Variants in FANCC observed in about 807,000 individuals in gnomAD.
FANCC encodes the protein Fanconi anemia group C protein.
A neutral mutation model predicts 71.3 loss-of-function variants in FANCC; 55 were observed. The observed-to-expected ratio is 0.77, with a 90% CI of 0.62 to 0.97. FANCC has a LOEUF of 0.97. Among genes scored for constraint, FANCC ranks in the 50% least tolerant of loss-of-function variants. The pLI is 0.00. For missense variants in FANCC, 678 were observed against 670.9 expected, an observed-to-expected ratio of 1.01 and a Z score of -0.12; for synonymous variants, 275 against 244.9, an observed-to-expected ratio of 1.12 and a Z score of -1.15.
chr9:95,206,457 C>G (rs988248678), intron 4 of FANCC, among the ~76,000 whole-genome samples: 1 of 152,188 alleles, frequency 6.6e-6, no homozygotes, highest in Non-Finnish European at 1.5e-5. Context: ...AAGTCCCCTA[C>G]ATCGTCTAAC....
In FANCC at chr9:95,110,925, CTTCT is replaced by C. The variant is rs757902348; in HGVS notation, c.1329+534_1329+537del. 18 of 1,325,148 alleles carry C rather than the reference CTTCT, an allele frequency of 1.4e-5. No homozygotes were observed. In the African/African-American group the frequency reaches 1.5e-4, roughly 11 times the overall value. The allele number at this position is 1,325,148 out of a possible 1,614,324, so 82.1% of individuals were successfully genotyped here. ...GCTCTGTTATTTAGGAAATGACCAA[CTTCT>C]TTTTCAGAAGCAAAGTGGTTAATAT... On this transcript the variant is annotated intron_variant, in intron 13 of 14. Coordinates refer to ENST00000289081, the MANE Select transcript of FANCC (RefSeq NM_000136.3).
At chr9:95,184,978 G>A (rs1207314496) in intron 4 of FANCC, among the ~76,000 whole-genome samples, 1 of 152,130 alleles carries the variant, frequency 6.6e-6, no homozygotes, top group East Asian at 1.9e-4. Flanking sequence ...AGATGTCTCA[G>A]GAACAAAATA....
At chr9:95,182,511 C>A (rs1826440467) in intron 4 of FANCC, among the ~76,000 whole-genome samples, 1 of 152,170 alleles carries the variant, frequency 6.6e-6, no homozygotes, top group Non-Finnish European at 1.5e-5. Context: ...TAGAGAAAGA[C>A]TCCATCTCCA....
chr9:95,310,875 ATAAGGCAATAATAT>A (rs1456629380), intron 1 of FANCC, among the ~76,000 whole-genome samples: 1 of 152,236 alleles, frequency 6.6e-6, no homozygotes, highest in Non-Finnish European at 1.5e-5. Flanking sequence ...GCATATACAC[ATAAGGCAATAATAT>A]GAACTGCAGT....
In FANCC at chr9:95,130,885, C is replaced by T. The variant is rs1028435392; in HGVS notation, c.844-4304G>A. Among the ~76,000 whole-genome samples the T allele has an allele frequency of 3.3e-5, 5 of 152,238 alleles. No individual in the cohort carries two copies. The South Asian group carries it at 1.0e-3, about 32-fold the overall frequency. ...ATTTATACAAAACCTTCACATCTAT[C>T]ATGTACAATGAGGCACCTTTATAAA... is the stretch of plus-strand genomic sequence containing the variant. On this transcript the variant is annotated intron_variant, in intron 8 of 14. Transcript: ENST00000289081.
chr9:95,255,310 C>G (rs1255247974), intron 1 of FANCC, among the ~76,000 whole-genome samples: 2 of 152,018 alleles, frequency 1.3e-5, no homozygotes, highest in African/African-American at 4.8e-5. Flanking sequence ...AGGAGAGCTC[C>G]GGCTGGCAAC....
intron 4 of FANCC, among the ~76,000 whole-genome samples, chr9:95,204,710 C>G (rs1220212710): frequency 6.6e-6 from 1 of 152,190 alleles, no homozygotes; most frequent in Non-Finnish European, 1.5e-5. Flanking sequence ...CTTACCCCTA[C>G]TCCATCTAAA....
chr9:95,254,019 T>C (rs79746055), intron 1 of FANCC, among the ~76,000 whole-genome samples: 1,588 of 152,276 alleles, frequency 0.01, 28 homozygotes, highest in African/African-American at 0.037. Flanking sequence ...TCCTGCTGTA[T>C]GGTCTGGTTC....
At chr9:95,267,944 C>T (rs1832484867) in intron 1 of FANCC, among the ~76,000 whole-genome samples, 1 of 152,220 alleles carries the variant, frequency 6.6e-6, no homozygotes, top group African/African-American at 2.4e-5. Flanking sequence ...AAACACACTG[C>T]ACATCACTGG....
rs1564720334 is a variant in FANCC, at chr9:95,172,054, G to C, written c.439C>G (p.Pro147Ala). The C allele has an allele frequency of 1.2e-6, 2 of 1,606,492 alleles. No homozygotes were observed. The highest frequency in any genetic ancestry group is 2.2e-5 in the East Asian group (1 of 44,734). The stretch of plus-strand genomic sequence containing the variant: ...ATACTCACATTTTTAAGCAAACCAG[G>C]ATAGTAATCTATAGGTGCATACCCA... ...GLGYAPIDYY[P>A]GLLKNMVLSL... is the part of the protein sequence containing the mutation. Residue 147 changes from proline (P) to alanine (A), a missense_variant, in exon 5 of 15, where the codon CCT becomes GCT. Physicochemically the swap from Pro to Ala is conservative, Grantham distance 27 (BLOSUM62 -1). Transcript: ENST00000289081.
chr9:95,202,505 C>T (rs779729865), intron 4 of FANCC, among the ~76,000 whole-genome samples: 1 of 152,236 alleles, frequency 6.6e-6, no homozygotes, highest in Non-Finnish European at 1.5e-5. Flanking sequence ...AGGAGTGAGG[C>T]AGCTTCCCAC....
intron 14 of FANCC, 94 bp downstream of exon 14, chr9:95,106,972 C>T: frequency 1.6e-6 from 2 of 1,228,478 alleles, no homozygotes; most frequent in Non-Finnish European, 2.4e-6. Context: ...TCCTGGTACA[C>T]ACACTGTGCA....
rs202002506 is a variant in FANCC at position 95,101,113 on chromosome 9, A to G, written c.*594T>C. ...ATCATTTAGCAAATACAGAGTGGAAAGAGTGTGCCGGAGGCCCGGGCTTGG... is the reference window on the plus strand; with the variant it reads ...ATCATTTAGCAAATACAGAGTGGAAGGAGTGTGCCGGAGGCCCGGGCTTGG... On this transcript the variant is annotated 3_prime_UTR_variant, in exon 15 of 15. Coordinates refer to ENST00000289081, the MANE Select transcript of FANCC (RefSeq NM_000136.3). The G allele has an allele frequency of 2.1e-5, 5 of 240,722 alleles. No homozygotes were observed. The East Asian group carries it at 2.9e-4, about 14-fold the overall frequency. The allele number at this position is 240,722 out of a possible 1,614,324, so 14.9% of individuals were successfully genotyped here.
intron 8 of FANCC, among the ~76,000 whole-genome samples, chr9:95,128,908 CCTT>C (rs901894910): frequency 6.7e-6 from 1 of 150,086 alleles, no homozygotes; most frequent in Admixed American, 6.6e-5. Context: ...AAACCAGTCT[CCTT>C]TTTTTTTTTT....
intron 4 of FANCC, among the ~76,000 whole-genome samples, chr9:95,232,980 T>G (rs988152916): frequency 6.6e-6 from 1 of 152,160 alleles, no homozygotes; most frequent in Non-Finnish European, 1.5e-5. Context: ...GGGGCTCATC[T>G]TGACCAACCA....
Position 95,185,630 on chromosome 9 carries a change from A to G in FANCC, c.346-13483T>C, listed in dbSNP as rs2135704777. ...CTTATCACTCTTATTAGGGCACGAC[A>G]GATTCCATCTAACAGATCTGCAATT... is the stretch of plus-strand genomic sequence containing the variant. On this transcript the variant is annotated intron_variant, in intron 4 of 14. Coordinates refer to ENST00000289081, the MANE Select transcript of FANCC (RefSeq NM_000136.3). Among the ~76,000 whole-genome samples, 4 of 152,350 alleles carry G rather than the reference A, an allele frequency of 2.6e-5. No homozygotes were observed. In the South Asian group the frequency reaches 8.3e-4, roughly 32 times the overall value.
chr9:95,219,241 A>G (rs746294883), intron 4 of FANCC, among the ~76,000 whole-genome samples: 18 of 152,340 alleles, frequency 1.2e-4, no homozygotes, highest in Non-Finnish European at 1.9e-4. Flanking sequence ...ACAGCAGAAC[A>G]GCTGAGTCTC....
chr9:95,239,810 T>C (rs4647441), intron 4 of FANCC, among the ~76,000 whole-genome samples: 34,219 of 152,188 alleles, frequency 0.22, 4,984 homozygotes, highest in Non-Finnish European at 0.33. Context: ...AAGCAGTGAA[T>C]GTAACGATAT....
intron 1 of FANCC, among the ~76,000 whole-genome samples, chr9:95,250,792 G>C (rs764748921): frequency 6.6e-6 from 1 of 152,242 alleles, no homozygotes; most frequent in Non-Finnish European, 1.5e-5. Context: ...TGTTGCACTT[G>C]TCTACTGCCA....
Sources: gnomAD v4.1 joint callset for allele counts (sites outside exome capture counted in the v4.1 genomes callset) on GRCh38, gnomAD v4.1.1 for gene constraint, MANE v1.5 for transcripts, NCBI Gene and HGNC (gene_info 2026-07-23, HGNC 2026-07-21) for gene names.